Variants in GNAL observed in about 807,000 individuals in gnomAD.
GNAL encodes the protein guanine nucleotide-binding protein G(olf) subunit alpha.
In GNAL, 18 loss-of-function variants were observed where a neutral mutation model predicts 55.1. The observed-to-expected ratio is 0.33, with a 90% CI of 0.23 to 0.48. The LOEUF is 0.48. GNAL is among the 20% of genes least tolerant of loss of function. The pLI is 0.99. For synonymous variants in GNAL, 253 were observed against 237.0 expected, an observed-to-expected ratio of 1.07 and a Z score of -0.62; for missense variants, 412 against 614.1, an observed-to-expected ratio of 0.67 and a Z score of 3.48.
At chr18:11,705,814 G>C (rs1427237643) in intron 1 of GNAL, among the ~76,000 whole-genome samples, 1 of 145,970 alleles carries the variant, frequency 6.9e-6, no homozygotes, top group African/African-American at 2.6e-5. Flanking sequence ...GGATTGCAGT[G>C]GCACGATTTC....
intron 4 of GNAL, among the ~76,000 whole-genome samples, chr18:11,801,729 T>C (rs2034527650): frequency 1.4e-5 from 2 of 138,980 alleles, no homozygotes; most frequent in South Asian, 2.3e-4. Flanking sequence ...GCCTTGCTGA[T>C]GTGATGGATG....
chr18:11,727,070 C>T (rs1483215199), intron 1 of GNAL, among the ~76,000 whole-genome samples: 5 of 152,094 alleles, frequency 3.3e-5, no homozygotes, highest in African/African-American at 1.2e-4. Context: ...AGCCCTAGTC[C>T]GCGCTGGGTG....
rs2031212975 is a variant in GNAL, at chr18:11,690,536, G to C, written c.376+597G>C. On this transcript the variant is annotated intron_variant, in intron 1 of 11. Transcript: ENST00000334049. Reference sequence around the variant, plus strand: ...AGGTTAGTTACATATGTATACATGTGCCATGCTGGTGTGCTGCACCCATTA... The same window carrying C: ...AGGTTAGTTACATATGTATACATGTCCCATGCTGGTGTGCTGCACCCATTA... Among the ~76,000 whole-genome samples the C allele has an allele frequency of 2.0e-5, 3 of 150,980 alleles. No homozygotes were observed. The South Asian group carries it at 6.4e-4, about 32-fold the overall frequency.
intron 11 of GNAL, among the ~76,000 whole-genome samples, chr18:11,877,199 A>G (rs1282213312): frequency 6.6e-6 from 1 of 152,234 alleles, no homozygotes; most frequent in Non-Finnish European, 1.5e-5. Flanking sequence ...CATGCCTGTC[A>G]TCCCAGCACT....
intron 4 of GNAL, among the ~76,000 whole-genome samples, chr18:11,779,443 C>T (rs979976044): frequency 1.3e-5 from 2 of 152,164 alleles, no homozygotes; most frequent in African/African-American, 4.8e-5. Flanking sequence ...GACTTTCTTA[C>T]AGACAAGAAG....
At chr18:11,841,815 T>C (rs3891667) in intron 5 of GNAL, among the ~76,000 whole-genome samples, 5,596 of 152,242 alleles carry the variant, frequency 0.037, 357 homozygotes, top group African/African-American at 0.13. Context: ...ATGTTACAAA[T>C]GCATCAGGTT....
At chr18:11,765,604 G>A (rs1245378332) in intron 4 of GNAL, among the ~76,000 whole-genome samples, 1 of 152,102 alleles carries the variant, frequency 6.6e-6, no homozygotes, top group Non-Finnish European at 1.5e-5. Context: ...GCATCATTCT[G>A]TTCTCTACTT....
intron 10 of GNAL, 22 bp from the exon 11 acceptor site, chr18:11,876,599 G>C (rs748040210): frequency 6.8e-7 from 1 of 1,470,298 alleles, no homozygotes; most frequent in Non-Finnish European, 9.5e-7. Context: ...CTTAAATAAA[G>C]TTCCATTTGT....
At chr18:11,871,687 CT>C (rs1301890255) in intron 9 of GNAL, among the ~76,000 whole-genome samples, 2 of 152,192 alleles carry the variant, frequency 1.3e-5, no homozygotes, top group Non-Finnish European at 2.9e-5. Flanking sequence ...TCATATATTA[CT>C]TTGTTGTTGT....
intron 11 of GNAL, among the ~76,000 whole-genome samples, chr18:11,880,293 G>A (rs1219241044): frequency 4.0e-5 from 6 of 149,696 alleles, no homozygotes; most frequent in African/African-American, 4.9e-5. Flanking sequence ...ATTAGGTGGG[G>A]CACAGTGGCT....
chr18:11,847,396 TTC>T (rs1491313639), intron 5 of GNAL, among the ~76,000 whole-genome samples: 1 of 150,252 alleles, frequency 6.7e-6, no homozygotes, highest in Non-Finnish European at 1.5e-5. Flanking sequence ...ATCTTTTATT[TTC>T]TTTTTTTTTT....
chr18:11,841,130 T>C (rs2035605251), intron 5 of GNAL, among the ~76,000 whole-genome samples: 1 of 152,016 alleles, frequency 6.6e-6, no homozygotes, highest in Non-Finnish European at 1.5e-5. Context: ...CACCTCGGCC[T>C]CCCAAAGTGT....
chr18:11,811,138 A>G (rs2034803617), intron 4 of GNAL, among the ~76,000 whole-genome samples: 2 of 152,076 alleles, frequency 1.3e-5, no homozygotes, highest in African/African-American at 2.4e-5. Context: ...AAAAGCCACA[A>G]CGCCACATTC....
chr18:11,834,812 C>T (rs779102133), intron 5 of GNAL, among the ~76,000 whole-genome samples: 1 of 152,168 alleles, frequency 6.6e-6, no homozygotes, highest in Non-Finnish European at 1.5e-5. Context: ...ATCTGATAAA[C>T]GTTATATTTA....
intron 1 of GNAL, among the ~76,000 whole-genome samples, chr18:11,725,267 G>T (rs758875116): frequency 6.6e-6 from 1 of 152,168 alleles, no homozygotes; most frequent in Non-Finnish European, 1.5e-5. Context: ...AATCCAGTAT[G>T]CCTGTTGTCC....
intron 1 of GNAL, among the ~76,000 whole-genome samples, chr18:11,701,561 CAAA>C (rs36089846): frequency 3.5e-5 from 2 of 56,384 alleles, no homozygotes; most frequent in African/African-American, 6.0e-5. Context: ...GCAAGAATCT[CAAA>C]AAAAAAAAAA....
At chr18:11,812,281 TC>T (rs1257281055) in intron 4 of GNAL, among the ~76,000 whole-genome samples, 1 of 152,190 alleles carries the variant, frequency 6.6e-6, no homozygotes, top group Non-Finnish European at 1.5e-5. Flanking sequence ...AGACAAATCT[TC>T]AAGTATCTTT....
chr18:11,740,119 G>A (rs570354777), intron 1 of GNAL, among the ~76,000 whole-genome samples: 3 of 152,054 alleles, frequency 2.0e-5, no homozygotes, highest in East Asian at 3.9e-4. Flanking sequence ...GTTGTTGGCA[G>A]GGACACCTGA....
rs1003798944 is a variant in GNAL, at chr18:11,715,819, T to C, written c.376+25880T>C. ...TGGGAGCAGGGTGGTAGTAATGGAC[T>C]GATGAGAAGTGGTCAAGTTCTAGAT... On this transcript the variant is annotated intron_variant, in intron 1 of 11. Transcript: ENST00000334049. Among the ~76,000 whole-genome samples the C allele has an allele frequency of 5.3e-5, 8 of 152,050 alleles. No homozygotes were observed. The Middle Eastern group carries it at 0.01, about 194-fold the overall frequency.
Sources: gnomAD v4.1 joint callset for allele counts (sites outside exome capture counted in the v4.1 genomes callset) on GRCh38, gnomAD v4.1.1 for gene constraint, MANE v1.5 for transcripts, NCBI Gene and HGNC (gene_info 2026-07-23, HGNC 2026-07-21) for gene names.